Variants in MFN1 observed in about 807,000 individuals in gnomAD.
MFN1 encodes the protein mitofusin-1.
A neutral mutation model predicts 92.4 loss-of-function variants in MFN1; 65 were observed. The observed-to-expected ratio is 0.70, with a 90% confidence interval of 0.58 to 0.86. The LOEUF is 0.86. Among genes scored for constraint, MFN1 ranks in the 40% least tolerant of loss-of-function variants. MFN1 has a pLI of 0.00. For synonymous variants in MFN1, 297 were observed against 300.9 expected (o/e 0.99, Z 0.13); for missense variants, 781 against 868.0 (o/e 0.90, Z 1.26).
intron 17 of MFN1, among the ~76,000 whole-genome samples, chr3:179,390,689 G>C (rs566522459): frequency 7.9e-5 from 12 of 152,272 alleles, no homozygotes; most frequent in African/African-American, 2.9e-4. Flanking sequence ...CTTACTCAGT[G>C]CTTAAGAACT....
chr3:179,376,084 A>G (rs1713230064), intron 10 of MFN1, among the ~76,000 whole-genome samples: 1 of 152,240 alleles, frequency 6.6e-6, no homozygotes, highest in African/African-American at 2.4e-5. Context: ...AGATGACATA[A>G]CATTGGAATT....
rs377467055 is a variant in MFN1, at chr3:179,378,365, G to T, written c.1354G>T (p.Gly452Cys). The change falls in exon 13 of 18, where the codon GGT (glycine) becomes TGT (cysteine). Residue 452 changes from glycine (G) to cysteine (C), a missense_variant. Transcript: ENST00000471841. ...KSELNKHIED[G>C]MGRNLADRCT... ...GGAATTAAATAAGCACATAGAGGATGGTATGGGAAGAAATTTGGCTGATCG... is the reference window on the plus strand; with the variant it reads ...GGAATTAAATAAGCACATAGAGGATTGTATGGGAAGAAATTTGGCTGATCG... The T allele has an allele frequency of 8.7e-5, 139 of 1,603,298 alleles. No homozygotes were observed. Among genetic ancestry groups the T allele is most frequent in the Non-Finnish European group, 1.1e-4 (130 of 1,177,054 alleles).
chr3:179,376,581 A>G (rs777080707), intron 10 of MFN1, among the ~76,000 whole-genome samples: 1 of 152,178 alleles, frequency 6.6e-6, no homozygotes, highest in African/African-American at 2.4e-5. Context: ...TATGGGCCAT[A>G]AAGTCTCTTG....
In MFN1 at chr3:179,367,487, C is replaced by T; in HGVS notation, c.802C>T (p.Leu268Phe). The change falls in exon 8 of 18, where the codon CTC (leucine) becomes TTC (phenylalanine). Residue 268 changes from leucine to phenylalanine, a missense_variant. Transcript: ENST00000471841. ...ERCLHFLVEELKVVNALEAQN... is the reference protein window; with the variant it reads ...ERCLHFLVEEFKVVNALEAQN... The stretch of plus-strand genomic sequence containing the variant: ...ATGCCTGCATTTCTTGGTGGAGGAG[C>T]TCAAAGTTGTAAATGCTTTAGAAGC... 1 of 1,613,444 alleles carries T rather than the reference C, an allele frequency of 6.2e-7. No individual in the cohort carries two copies. The highest frequency in any genetic ancestry group is 8.5e-7 in the Non-Finnish European group (1 of 1,179,756).
At position 179,377,301 on chromosome 3, in the gene MFN1, A is replaced by G. The variant is rs561194971; in HGVS notation, c.1225-43A>G. ...ATTTAATTTTTTTGAATAATTGATA[A>G]TCTTGTTTAATTATTTTAACTCCAA... On this transcript the variant is annotated intron_variant, in intron 11 of 17. Transcript: ENST00000471841. 3 of 1,536,944 alleles carry G rather than the reference A, an allele frequency of 2.0e-6. No individual in the cohort carries two copies. The East Asian group carries it at 6.8e-5, about 35-fold the overall frequency.
chr3:179,360,549 CAAAAAAA>C (rs5854830), intron 4 of MFN1, among the ~76,000 whole-genome samples: 2 of 143,370 alleles, frequency 1.4e-5, no homozygotes, highest in Admixed American at 6.9e-5. Context: ...CTCCTTCAGC[CAAAAAAA>C]AAAAAAAATA....
At chr3:179,376,997 AC>A (rs1477716399) in intron 10 of MFN1, 44 bp from the exon 11 acceptor site, 1 of 1,597,280 alleles carries the variant, frequency 6.3e-7, no homozygotes, top group Non-Finnish European at 8.5e-7. Flanking sequence ...ATGCTTTAGG[AC>A]TTCAGACTAC....
intron 10 of MFN1, among the ~76,000 whole-genome samples, chr3:179,376,601 A>T (rs1713250386): frequency 6.6e-6 from 1 of 152,180 alleles, no homozygotes; most frequent in Non-Finnish European, 1.5e-5. Context: ...GGAGCTACTC[A>T]TTTCTACAGT....
chr3:179,374,002 T>C (rs967764749), intron 9 of MFN1, among the ~76,000 whole-genome samples: 3 of 150,362 alleles, frequency 2.0e-5, no homozygotes, highest in Admixed American at 1.3e-4. Context: ...TGATAAATCA[T>C]AGTAAATATA....
rs144724320 is a variant in MFN1, at chr3:179,366,952, G to T, written c.754-487G>T. Among the ~76,000 whole-genome samples the T allele has an allele frequency of 7.9e-4, 120 of 152,222 alleles. 3 individuals carry two copies. In the East Asian group the frequency reaches 0.018, roughly 23 times the overall value. ...AACCTTAACTTTGTTTTTTGAGACG[G>T]AGTCTTGCTCTGTCACCCAGGCTGG... On this transcript the variant is annotated intron_variant, in intron 7 of 17. Coordinates refer to ENST00000471841, the MANE Select transcript of MFN1 (RefSeq NM_033540.3).
chr3:179,394,349 G>A lies in MFN1; in HGVS notation c.*2290G>A, dbSNP rs1442242397. 1 of 149,478 alleles carries A rather than the reference G, an allele frequency of 6.7e-6. No individual in the cohort carries two copies. Among genetic ancestry groups the A allele is most frequent in the African/African-American group, 2.5e-5 (1 of 40,514 alleles). 9.3% of individuals were successfully genotyped at this position (149,478 alleles called of 1,614,324 possible). ...CATCACTTGTTTTATGTAGTTGTCT[G>A]ATCAATTGTGAAAACATAATGAATG... On this transcript the variant is annotated 3_prime_UTR_variant, in exon 18 of 18. Transcript: ENST00000471841.
At chr3:179,362,126 CA>C in intron 4 of MFN1, among the ~76,000 whole-genome samples, 1 of 152,164 alleles carries the variant, frequency 6.6e-6, no homozygotes, top group Non-Finnish European at 1.5e-5. Context: ...TTCACAAAAT[CA>C]GTATCAGGAG....
chr3:179,357,392 T>C (rs376197655), intron 3 of MFN1, among the ~76,000 whole-genome samples: 13 of 152,246 alleles, frequency 8.5e-5, no homozygotes, highest in South Asian at 8.3e-4. Context: ...CTTCATGAAA[T>C]GTCCAGAAAG....
intron 16 of MFN1, among the ~76,000 whole-genome samples, chr3:179,387,281 C>A (rs903409374): frequency 6.6e-6 from 1 of 152,120 alleles, no homozygotes; most frequent in South Asian, 2.1e-4. Context: ...CAAGGTGGCT[C>A]ACGCCTATAA....
At chr3:179,370,772 A>G (rs1418123694) in intron 9 of MFN1, among the ~76,000 whole-genome samples, 2 of 152,328 alleles carry the variant, frequency 1.3e-5, no homozygotes, top group East Asian at 1.9e-4. Flanking sequence ...TCTTAAAGAA[A>G]AGATTCAGGA....
intron 14 of MFN1, among the ~76,000 whole-genome samples, chr3:179,380,972 A>G (rs1713443564): frequency 6.6e-6 from 1 of 152,234 alleles, no homozygotes; most frequent in South Asian, 2.1e-4. Context: ...TTCAGAGTCC[A>G]TCCGTAAGCT....
At chr3:179,355,375 A>T (rs762233289) in intron 3 of MFN1, among the ~76,000 whole-genome samples, 3 of 152,138 alleles carry the variant, frequency 2.0e-5, no homozygotes, top group Non-Finnish European at 2.9e-5. Flanking sequence ...TCCTCATTTT[A>T]ACCAGCCCCT....
chr3:179,362,137 G>A (rs140257654), intron 4 of MFN1, among the ~76,000 whole-genome samples: 2 of 152,160 alleles, frequency 1.3e-5, no homozygotes, highest in Non-Finnish European at 2.9e-5. Context: ...AGTATCAGGA[G>A]TTGCTTAGAA....
chr3:179,384,388 C>T (rs538786850), intron 14 of MFN1, among the ~76,000 whole-genome samples: 6 of 152,122 alleles, frequency 3.9e-5, no homozygotes, highest in African/African-American at 1.4e-4. Flanking sequence ...ATTTGCATTT[C>T]CCTAATGACC....
Sources: gnomAD v4.1 joint callset for allele counts (sites outside exome capture counted in the v4.1 genomes callset) on GRCh38, gnomAD v4.1.1 for gene constraint, MANE v1.5 for transcripts, NCBI Gene and HGNC (gene_info 2026-07-23, HGNC 2026-07-21) for gene names.